The following RCL1 variants were observed in gnomAD, a reference collection of about 807,000 sequenced individuals.
The protein encoded by RCL1 is RNA 3'-terminal phosphate cyclase-like protein.
RCL1 carries 24 observed loss-of-function variants against 42.4 expected under a neutral mutation model. The observed-to-expected ratio is 0.57, with a 90% confidence interval of 0.41 to 0.80. The LOEUF (loss-of-function observed/expected upper bound fraction) is 0.80, where lower values mean the gene tolerates loss of function less well. RCL1 is among the 30% of genes least tolerant of loss of function. RCL1 has a pLI of 0.00. For missense variants in RCL1, 578 were observed against 467.9 expected (o/e 1.24, Z -2.17); for synonymous variants, 228 against 177.3 (o/e 1.29, Z -2.27).
chr9:4,815,264 T>A (rs1461003075), intron 1 of RCL1, among the ~76,000 whole-genome samples: 1 of 152,190 alleles, frequency 6.6e-6, no homozygotes, highest in Non-Finnish European at 1.5e-5. Context: ...TGCTTAATGA[T>A]TTCCTGTAAG....
chr9:4,812,318 G>C (rs1816208742), intron 1 of RCL1, among the ~76,000 whole-genome samples: 1 of 147,282 alleles, frequency 6.8e-6, no homozygotes, highest in South Asian at 2.3e-4. Flanking sequence ...CATAGTATTG[G>C]ATCTTACATT....
chr9:4,821,987 T>C (rs933380454), intron 1 of RCL1, among the ~76,000 whole-genome samples: 4 of 152,196 alleles, frequency 2.6e-5, no homozygotes, highest in Non-Finnish European at 4.4e-5. Flanking sequence ...GGAATGACAC[T>C]CTGTGCCTCA....
chr9:4,834,040 T>G, intron 4 of RCL1, 101 bp from the exon 5 acceptor site: 1 of 1,328,806 alleles, frequency 7.5e-7, no homozygotes, highest in Non-Finnish European at 1.0e-6. Context: ...AGCTATGCCT[T>G]GTAAGGAAGC....
In RCL1 at chr9:4,804,430, C is replaced by T. The variant is rs551007370; in HGVS notation, c.136+11203C>T. ...CTCACACTGAAGACCAAAGAGCTGC[C>T]GAACTCGTTCCCAGGGGCACTCCTT... On this transcript the variant is annotated intron_variant, in intron 1 of 8. Transcript: ENST00000381750. 405 of 152,450 alleles carry T rather than the reference C, an allele frequency of 2.7e-3. 3 individuals carry two copies. The highest frequency in any genetic ancestry group is 6.8e-3 in the Middle Eastern group (2 of 294). 9.4% of individuals were successfully genotyped at this position (152,450 alleles called of 1,614,324 possible). A position where few individuals can be genotyped will look rare whatever the true frequency, so the allele number is the denominator to read the frequency against.
intron 3 of RCL1, among the ~76,000 whole-genome samples, chr9:4,831,274 G>A (rs1300590300): frequency 1.3e-5 from 2 of 150,404 alleles, no homozygotes; most frequent in African/African-American, 2.5e-5. Context: ...TCAAGGTATA[G>A]GAAGGATGAG....
intron 5 of RCL1, among the ~76,000 whole-genome samples, chr9:4,836,010 G>A (rs990667849): frequency 6.6e-5 from 10 of 152,212 alleles, no homozygotes; most frequent in African/African-American, 2.2e-4. Context: ...AGTTGTTACC[G>A]AGTTAGGATG....
chr9:4,835,768 G>A (rs554796755), intron 5 of RCL1, among the ~76,000 whole-genome samples: 3 of 152,222 alleles, frequency 2.0e-5, no homozygotes, highest in Non-Finnish European at 2.9e-5. Flanking sequence ...TTGGTTGCCC[G>A]TATATCTTTA....
intron 1 of RCL1, among the ~76,000 whole-genome samples, chr9:4,795,368 C>A (rs1842897775): frequency 6.6e-6 from 1 of 152,216 alleles, no homozygotes. Flanking sequence ...CAGGTGTGAG[C>A]CGCTGCGCCC....
chr9:4,806,048 G>GTGTGTGTT (rs1815946278), intron 1 of RCL1, among the ~76,000 whole-genome samples: 3 of 126,838 alleles, frequency 2.4e-5, no homozygotes, highest in African/African-American at 2.6e-5. Context: ...GTGTGTGTTT[G>GTGTGTGTT]TGTGTGTGTG....
chr9:4,797,473 G>T (rs1170475204), intron 1 of RCL1, among the ~76,000 whole-genome samples: 1 of 152,122 alleles, frequency 6.6e-6, no homozygotes, highest in Non-Finnish European at 1.5e-5. Context: ...TCAACCAGGG[G>T]CACTTTTGTT....
At chr9:4,851,924 A>C in intron 8 of RCL1, among the ~76,000 whole-genome samples, 1 of 119,062 alleles carries the variant, frequency 8.4e-6, no homozygotes, top group Admixed American at 1.1e-4. Context: ...TCTGTCGCCC[A>C]GGCTAGAGGG....
chr9:4,857,222 AAG>A (rs1223753966), intron 8 of RCL1, among the ~76,000 whole-genome samples: 1 of 152,186 alleles, frequency 6.6e-6, no homozygotes, highest in African/African-American at 2.4e-5. Flanking sequence ...TACCCCCAGA[AAG>A]AAACCCTGTG....
chr9:4,800,801 C>T (rs967057118), intron 1 of RCL1, among the ~76,000 whole-genome samples: 8 of 151,836 alleles, frequency 5.3e-5, no homozygotes, highest in Admixed American at 3.3e-4. Flanking sequence ...TACAGGTGTG[C>T]ACCACCACAC....
intron 1 of RCL1, among the ~76,000 whole-genome samples, chr9:4,800,434 C>T (rs1405754861): frequency 6.6e-6 from 1 of 151,974 alleles, no homozygotes; most frequent in East Asian, 1.9e-4. Context: ...AGGCTGGTCT[C>T]GAACTCCTGA....
intron 7 of RCL1, among the ~76,000 whole-genome samples, chr9:4,848,038 T>C (rs1480979971): frequency 6.6e-6 from 1 of 152,224 alleles, no homozygotes; most frequent in Non-Finnish European, 1.5e-5. Context: ...CTTAGCTATC[T>C]ATTACATTAA....
chr9:4,808,087 A>C (rs1262238734), intron 1 of RCL1, among the ~76,000 whole-genome samples: 4 of 151,618 alleles, frequency 2.6e-5, no homozygotes, highest in Non-Finnish European at 5.9e-5. Context: ...GGTGGTGCTG[A>C]GTTCTTCTTT....
intron 8 of RCL1, among the ~76,000 whole-genome samples, chr9:4,851,439 C>T (rs543305826): frequency 2.6e-5 from 4 of 152,294 alleles, no homozygotes; most frequent in Non-Finnish European, 4.4e-5. Context: ...GGATCTGTTT[C>T]ATACTCTTTC....
Position 4,849,526 on chromosome 9 carries a change from T to C in RCL1, c.947T>C (p.Leu316Pro), listed in dbSNP as rs149023617. 39 of 1,613,550 alleles carry C rather than the reference T, an allele frequency of 2.4e-5. No individual in the cohort carries two copies. Among genetic ancestry groups the C allele is most frequent in the Non-Finnish European group, 3.0e-5 (35 of 1,179,644 alleles). The change falls in exon 8 of 9, where the codon CTG (leucine) becomes CCG (proline). Residue 316 changes from leucine to proline, a missense_variant. Transcript: ENST00000381750. ...TLGQQDVSKV[L>P]LGPLSPYTIE... is the part of the protein sequence containing the mutation. ...GGACAGCAGGATGTTTCCAAAGTCC[T>C]GCTAGGCCCTCTCTCTCCCTACACG...
chr9:4,838,507 C>T (rs1174250125), intron 5 of RCL1, among the ~76,000 whole-genome samples: 3 of 152,164 alleles, frequency 2.0e-5, no homozygotes, highest in Non-Finnish European at 4.4e-5. Flanking sequence ...AGTTGGAATT[C>T]GTGGGATAAT....
Sources: gnomAD v4.1 joint callset for allele counts (sites outside exome capture counted in the v4.1 genomes callset) on GRCh38, gnomAD v4.1.1 for gene constraint, MANE v1.5 for transcripts, NCBI Gene and HGNC (gene_info 2026-07-23, HGNC 2026-07-21) for gene names.